CCNI: variants seen among roughly 807,000 people sequenced by gnomAD.
CCNI encodes the protein cyclin I.
CCNI carries 14 observed loss-of-function variants against 34.1 expected under a neutral mutation model. That is an observed-to-expected ratio of 0.41 (90% CI 0.27 to 0.64). The LOEUF (loss-of-function observed/expected upper bound fraction) is 0.64. Among genes scored for constraint, CCNI ranks in the 30% least tolerant of loss-of-function variants. The pLI is 0.31. For synonymous variants in CCNI, 154 were observed against 158.4 expected, an observed-to-expected ratio of 0.97 and a Z score of 0.21; for missense variants, 385 against 440.5, an observed-to-expected ratio of 0.87 and a Z score of 1.13.
At chr4:77,074,895 C>T (rs1729780659) in intron 1 of CCNI, 1 of 152,190 alleles carries the variant, frequency 6.6e-6, no homozygotes, top group East Asian at 1.9e-4. Flanking sequence ...GTCCTCCTTT[C>T]AAATTCCAGT....
intron 2 of CCNI, among the ~76,000 whole-genome samples, chr4:77,062,441 C>T (rs949335635): frequency 6.6e-6 from 1 of 151,982 alleles, no homozygotes; most frequent in Admixed American, 6.6e-5. Context: ...GTGCCTGTTA[C>T]CTCAGCTACT....
At chr4:77,065,726 T>C (rs540620805) in intron 2 of CCNI, among the ~76,000 whole-genome samples, 2 of 152,168 alleles carry the variant, frequency 1.3e-5, no homozygotes, top group African/African-American at 2.4e-5. Context: ...GTAACTCAGA[T>C]AACAACAAAA....
In CCNI at chr4:77,075,970, GGGGAAGGCT is replaced by G. The variant is rs1560791166; in HGVS notation, c.-551_-543del. On this transcript the variant is annotated 5_prime_UTR_variant, in exon 1 of 7. Coordinates refer to ENST00000237654, the MANE Select transcript of CCNI (RefSeq NM_006835.3). The stretch of plus-strand genomic sequence containing the variant: ...CAGAGGCGCTGCCGCGTCCGCTCGC[GGGGAAGGCT>G]GGGGAGGGAGGGGAAGAGAGGGGAA... 6.6e-6 allele frequency: 1 copy of G among 152,170 alleles called. No homozygotes were observed. Among genetic ancestry groups the G allele is most frequent in the African/African-American group, 2.4e-5 (1 of 41,442 alleles). 9.4% of individuals were successfully genotyped at this position (152,170 alleles called of 1,614,324 possible). A position where few individuals can be genotyped will look rare whatever the true frequency, so the allele number is the denominator to read the frequency against.
intron 5 of CCNI, among the ~76,000 whole-genome samples, chr4:77,055,629 G>C (rs1297555314): frequency 6.6e-6 from 1 of 151,926 alleles, no homozygotes; most frequent in Non-Finnish European, 1.5e-5. Flanking sequence ...ACCATGCCCG[G>C]CTAATTTTTG....
At chr4:77,073,876 G>A (rs566520922) in intron 1 of CCNI, among the ~76,000 whole-genome samples, 1 of 152,100 alleles carries the variant, frequency 6.6e-6, no homozygotes, top group Non-Finnish European at 1.5e-5. Flanking sequence ...AGCTTCACTT[G>A]TAAACAGCTT....
chr4:77,058,107 C>A (rs1728358459), intron 3 of CCNI, among the ~76,000 whole-genome samples: 1 of 152,198 alleles, frequency 6.6e-6, no homozygotes, highest in South Asian at 2.1e-4. Context: ...GTAATCCCAG[C>A]ACTTTGGGAG....
intron 6 of CCNI, among the ~76,000 whole-genome samples, chr4:77,054,161 G>A (rs1728051937): frequency 6.6e-6 from 1 of 152,092 alleles, no homozygotes; most frequent in African/African-American, 2.4e-5. Flanking sequence ...TTCTTAAAAT[G>A]TTTGCTATAA....
Position 77,075,965 on chromosome 4 carries a change from C to G in CCNI, c.-537G>C, listed in dbSNP as rs993171968. On this transcript the variant is annotated 5_prime_UTR_variant, in exon 1 of 7. Transcript: ENST00000237654. ...CGAGACAGAGGCGCTGCCGCGTCCG[C>G]TCGCGGGGAAGGCTGGGGAGGGAGG... 3 of 151,298 alleles carry G rather than the reference C, an allele frequency of 2.0e-5. No individual in the cohort carries two copies. Among genetic ancestry groups the G allele is most frequent in the African/African-American group, 7.3e-5 (3 of 41,182 alleles). 9.4% of individuals were successfully genotyped at this position (151,298 alleles called of 1,614,324 possible). A position where few individuals can be genotyped will look rare whatever the true frequency, so the allele number is the denominator to read the frequency against.
At chr4:77,074,967 C>G (rs1439256015) in intron 1 of CCNI, 2 of 138,694 alleles carry the variant, frequency 1.4e-5, no homozygotes, top group African/African-American at 5.2e-5. Flanking sequence ...CCCCCACCCA[C>G]CCGCCCCAAG....
At chr4:77,054,876 A>G (rs966810767) in intron 6 of CCNI, among the ~76,000 whole-genome samples, 1 of 152,220 alleles carries the variant, frequency 6.6e-6, no homozygotes, top group Non-Finnish European at 1.5e-5. Context: ...ACAAAAAACT[A>G]AAGGACAATA....
At chr4:77,053,325 C>T (rs1727993494) in intron 6 of CCNI, among the ~76,000 whole-genome samples, 2 of 152,032 alleles carry the variant, frequency 1.3e-5, no homozygotes, top group Non-Finnish European at 2.9e-5. Context: ...AGTAGCTCTA[C>T]ACGGCTCTAA....
At chr4:77,063,213 G>C (rs574284448) in intron 2 of CCNI, among the ~76,000 whole-genome samples, 8 of 152,112 alleles carry the variant, frequency 5.3e-5, no homozygotes, top group African/African-American at 1.9e-4. Flanking sequence ...ATATAGTTGG[G>C]GCAGGGGGGA....
At chr4:77,064,510 T>G (rs1486267444) in intron 2 of CCNI, among the ~76,000 whole-genome samples, 1 of 151,790 alleles carries the variant, frequency 6.6e-6, no homozygotes, top group African/African-American at 2.4e-5. Context: ...GCCTAGAGTA[T>G]AGCAGATACT....
intron 2 of CCNI, among the ~76,000 whole-genome samples, chr4:77,059,250 A>G (rs146631124): frequency 4.6e-5 from 7 of 152,174 alleles, no homozygotes; most frequent in Non-Finnish European, 8.8e-5. Context: ...TTGTTGTTGT[A>G]AGCCTATTGA....
chr4:77,058,716 G>T, intron 2 of CCNI, 81 bp from the exon 3 acceptor site: 1 of 1,216,134 alleles, frequency 8.2e-7, no homozygotes. Flanking sequence ...TCTCATAAAA[G>T]GTTAGGTAAT....
chr4:77,064,706 CACTT>C (rs1178497088), intron 2 of CCNI: 1 of 149,438 alleles, frequency 6.7e-6, no homozygotes, highest in Non-Finnish European at 1.5e-5. Context: ...GACGGAGTCT[CACTT>C]ACCCTGTCGT....
At position 77,047,183 on chromosome 4, in the gene CCNI, G is replaced by A. The variant is rs1727496905; in HGVS notation, c.*1036C>T. On this transcript the variant is annotated 3_prime_UTR_variant, in exon 7 of 7. Coordinates refer to ENST00000237654, the MANE Select transcript of CCNI (RefSeq NM_006835.3). ...AGGACAACTTTTTATTGCTACCAGA[G>A]GCTTTTATCATCAGTACACAGTTCT... 1 of 152,140 alleles carries A rather than the reference G, an allele frequency of 6.6e-6. No homozygotes were observed. Among genetic ancestry groups the A allele is most frequent in the Non-Finnish European group, 1.5e-5 (1 of 68,032 alleles). 9.4% of individuals were successfully genotyped at this position (152,140 alleles called of 1,614,324 possible).
At chr4:77,072,638 T>TAAAAAAAAAAAAAA (rs61247567) in intron 1 of CCNI, among the ~76,000 whole-genome samples, 3 of 101,386 alleles carry the variant, frequency 3.0e-5, no homozygotes, top group African/African-American at 1.2e-4. Context: ...CCCAATCTCT[T>TAAAAAAAAAAAAAA]AAAAAAAAAA....
At chr4:77,074,157 C>G (rs1241985767) in intron 1 of CCNI, among the ~76,000 whole-genome samples, 1 of 152,204 alleles carries the variant, frequency 6.6e-6, no homozygotes. Context: ...TTGACCAACA[C>G]ACATGCTAAG....
Sources: allele counts gnomAD v4.1 joint callset (sites outside exome capture counted in the v4.1 genomes callset), GRCh38; gene constraint gnomAD v4.1.1; transcripts MANE v1.5; gene names NCBI Gene and HGNC (gene_info 2026-07-23, HGNC 2026-07-21).